Variants in CHST8 observed in about 807,000 individuals in gnomAD.
CHST8 encodes carbohydrate sulfotransferase 8.
CHST8 carries 10 observed loss-of-function variants against 15.0 expected under a neutral mutation model. The observed-to-expected ratio is 0.67, with a 90% confidence interval of 0.41 to 1.13. The LOEUF is 1.13. CHST8 is among the 50% of genes most tolerant of loss of function. The probability of loss-of-function intolerance (pLI) is 0.00; values close to 1 mark genes in which losing one functional copy is unlikely to be tolerated. For synonymous variants in CHST8, 259 were observed against 256.6 expected, an observed-to-expected ratio of 1.01 and a Z score of -0.09; for missense variants, 634 against 608.2, an observed-to-expected ratio of 1.04 and a Z score of -0.45.
At chr19:33,678,869 G>T (rs1972846060) in intron 2 of CHST8, among the ~76,000 whole-genome samples, 1 of 152,202 alleles carries the variant, frequency 6.6e-6, no homozygotes, top group Non-Finnish European at 1.5e-5. Context: ...CATGACCCCA[G>T]CCCGAAGGAC....
intron 3 of CHST8, among the ~76,000 whole-genome samples, chr19:33,699,373 G>A (rs1973288396): frequency 6.6e-6 from 1 of 152,186 alleles, no homozygotes; most frequent in Non-Finnish European, 1.5e-5. Flanking sequence ...GGGAGACCTG[G>A]CCCTGGCTCA....
chr19:33,708,757 A>C (rs1387546391), intron 3 of CHST8, among the ~76,000 whole-genome samples: 1 of 152,220 alleles, frequency 6.6e-6, no homozygotes, highest in African/African-American at 2.4e-5. Context: ...AATTTCTGCC[A>C]AAAAGAACAA....
chr19:33,639,189 C>T (rs1600229710), intron 1 of CHST8, among the ~76,000 whole-genome samples: 1 of 151,532 alleles, frequency 6.6e-6, no homozygotes, highest in South Asian at 2.1e-4. Flanking sequence ...TGCTGCCATT[C>T]GAGATTCTAG....
chr19:33,658,775 C>G (rs535491246), intron 1 of CHST8, among the ~76,000 whole-genome samples: 1 of 152,086 alleles, frequency 6.6e-6, no homozygotes, highest in Non-Finnish European at 1.5e-5. Flanking sequence ...TTTTCTGGAA[C>G]ATTCTCAGCC....
At chr19:33,667,011 G>A (rs112652889) in intron 1 of CHST8, among the ~76,000 whole-genome samples, 2,380 of 152,244 alleles carry the variant, frequency 0.016, 39 homozygotes, top group African/African-American at 0.035. Flanking sequence ...GGGACCCCAG[G>A]GATGCCAAAG....
chr19:33,757,304 C>T (rs537599818), intron 3 of CHST8, among the ~76,000 whole-genome samples: 24 of 150,602 alleles, frequency 1.6e-4, no homozygotes, highest in African/African-American at 2.9e-4. Flanking sequence ...TCGCTTGAAC[C>T]AGGAGGTGGA....
intron 3 of CHST8, among the ~76,000 whole-genome samples, chr19:33,693,429 C>T (rs1376023932): frequency 6.6e-6 from 1 of 152,140 alleles, no homozygotes; most frequent in Non-Finnish European, 1.5e-5. Context: ...ATCAAATAGT[C>T]AGTCAGTGTG....
At chr19:33,629,095 G>T (rs1972092315) in intron 1 of CHST8, among the ~76,000 whole-genome samples, 1 of 152,166 alleles carries the variant, frequency 6.6e-6, no homozygotes, top group South Asian at 2.1e-4. Flanking sequence ...TCCATGGTGG[G>T]GACAAGCTGC....
At chr19:33,727,399 G>T (rs1384851748) in intron 3 of CHST8, among the ~76,000 whole-genome samples, 1 of 152,136 alleles carries the variant, frequency 6.6e-6, no homozygotes, top group Non-Finnish European at 1.5e-5. Flanking sequence ...TGTGTAGAGT[G>T]TGTGCTCCCG....
intron 3 of CHST8, among the ~76,000 whole-genome samples, chr19:33,770,316 C>A (rs527855669): frequency 5.9e-5 from 9 of 152,338 alleles, no homozygotes; most frequent in African/African-American, 1.4e-4. Flanking sequence ...TGCCCCGGCG[C>A]GCCAGCCAGA....
chr19:33,646,347 C>T (rs995307821), intron 1 of CHST8, among the ~76,000 whole-genome samples: 2 of 151,934 alleles, frequency 1.3e-5, no homozygotes, highest in African/African-American at 2.4e-5. Flanking sequence ...TGACAGTTTC[C>T]GGGTGGGGGT....
At chr19:33,668,442 C>T (rs532104803) in intron 2 of CHST8, among the ~76,000 whole-genome samples, 2 of 152,126 alleles carry the variant, frequency 1.3e-5, no homozygotes, top group South Asian at 4.2e-4. Flanking sequence ...GCTGTCTGGG[C>T]TTTGTGAGGG....
intron 3 of CHST8, among the ~76,000 whole-genome samples, chr19:33,740,898 G>A (rs1402918181): frequency 6.6e-6 from 1 of 152,170 alleles, no homozygotes; most frequent in Admixed American, 6.5e-5. Flanking sequence ...GTTATCCATG[G>A]TGTTGACAGA....
intron 3 of CHST8, among the ~76,000 whole-genome samples, chr19:33,765,625 G>A (rs1974824347): frequency 6.6e-6 from 1 of 151,552 alleles, no homozygotes; most frequent in Middle Eastern, 3.4e-3. Context: ...GTAGTGGCGC[G>A]ATCTCCGCTC....
intron 3 of CHST8, among the ~76,000 whole-genome samples, chr19:33,713,291 C>G (rs941767543): frequency 6.6e-6 from 1 of 152,174 alleles, no homozygotes; most frequent in Admixed American, 6.5e-5. Flanking sequence ...TCTGCGATCT[C>G]CTAATGGAGG....
At chr19:33,720,138 C>T (rs1237557603) in intron 3 of CHST8, among the ~76,000 whole-genome samples, 1 of 152,102 alleles carries the variant, frequency 6.6e-6, no homozygotes, top group Non-Finnish European at 1.5e-5. Flanking sequence ...ATGGGCAGCT[C>T]CTCATACCAT....
intron 3 of CHST8, among the ~76,000 whole-genome samples, chr19:33,704,467 G>A (rs1973406450): frequency 6.6e-6 from 1 of 152,218 alleles, no homozygotes; most frequent in African/African-American, 2.4e-5. Context: ...CACAGGATGG[G>A]GGAAAGGGGA....
At chr19:33,629,598 G>A (rs1972097738) in intron 1 of CHST8, among the ~76,000 whole-genome samples, 2 of 152,220 alleles carry the variant, frequency 1.3e-5, no homozygotes, top group Non-Finnish European at 2.9e-5. Flanking sequence ...CAGGGAAGCA[G>A]GTCTGTGAGT....
chr19:33,703,475 G>C (rs1003156570), intron 3 of CHST8, among the ~76,000 whole-genome samples: 4 of 152,248 alleles, frequency 2.6e-5, no homozygotes, highest in African/African-American at 9.6e-5. Context: ...AAAAAGTTAC[G>C]GTGGTAGTTA....
Sources: allele counts gnomAD v4.1 joint callset (sites outside exome capture counted in the v4.1 genomes callset), GRCh38; gene constraint gnomAD v4.1.1; transcripts MANE v1.5; gene names NCBI Gene and HGNC (gene_info 2026-07-23, HGNC 2026-07-21).